Variants in MAP4K5 observed in about 807,000 individuals in gnomAD.
MAP4K5 encodes the protein MAPK/ERK kinase kinase kinase 5.
A neutral mutation model predicts 135.6 loss-of-function variants in MAP4K5; 82 were observed. The observed-to-expected ratio is 0.60, with a 90% CI of 0.51 to 0.73. MAP4K5 has a LOEUF of 0.73. Ranked by LOEUF, MAP4K5 falls within the 30% of genes least tolerant of loss-of-function variation. MAP4K5 has a pLI of 0.00. For synonymous variants in MAP4K5, 347 were observed against 335.0 expected (o/e 1.04, Z -0.39); for missense variants, 907 against 1,010.9 (o/e 0.90, Z 1.39).
At position 50,558,029 on chromosome 14, in the gene MAP4K5, A is replaced by AT. The variant is rs573461338; in HGVS notation, c.-180+3010dup. 9.8e-5 allele frequency among the ~76,000 whole-genome samples: 15 copies of AT among 152,316 alleles called. No individual in the cohort carries two copies. In the East Asian group the frequency reaches 1.9e-3, roughly 20 times the overall value. On this transcript the variant is annotated intron_variant, in intron 1 of 8. Transcript: ENST00000555216. ...AAAAAGAATGGTGATGCATAGCACA[A>AT]TTTTTTTAAAAGCTTCCATTAATTT...
rs775070217 is a variant in MAP4K5, at chr14:50,475,119, G to T, written c.500C>A (p.Ala167Asp). The change falls in exon 9 of 33, where the codon GCT (alanine) becomes GAT (aspartate). Residue 167 changes from alanine (A) to aspartate (D), a missense_variant. Physicochemically the swap from Ala to Asp is moderately radical, Grantham distance 126 (BLOSUM62 -2). Coordinates refer to ENST00000682126, the MANE Select transcript of MAP4K5 (RefSeq NM_006575.6). The part of the protein sequence containing the change: ...ADFGVAAKIT[A>D]TIAKRKSFIG... ...GAAAGATTTTCGTTTTGCAATGGTA[G>T]CTGTTATTTTTGCAGCCACACCAAA... The T allele has an allele frequency of 9.9e-6, 16 of 1,613,748 alleles. No individual in the cohort carries two copies. Among genetic ancestry groups the T allele is most frequent in the African/African-American group, 1.3e-5 (1 of 74,928 alleles).
At chr14:50,481,173 G>A (rs1372341216) in intron 6 of MAP4K5, among the ~76,000 whole-genome samples, 1 of 151,320 alleles carries the variant, frequency 6.6e-6, no homozygotes, top group Admixed American at 6.6e-5. Flanking sequence ...ATAATTCTCT[G>A]CTATGAGTGT....
intron 30 of MAP4K5, 127 bp downstream of exon 30, chr14:50,428,535 C>T (rs1209455641): frequency 2.9e-5 from 16 of 559,244 alleles, no homozygotes; most frequent in African/African-American, 8.0e-5. Flanking sequence ...GGATTACAGG[C>T]GTAGAACATT....
chr14:50,437,703 T>G (rs2036128194), intron 25 of MAP4K5, among the ~76,000 whole-genome samples, 169 bp from the exon 26 acceptor site: 1 of 152,184 alleles, frequency 6.6e-6, no homozygotes, highest in Non-Finnish European at 1.5e-5. Flanking sequence ...ACAGTCTGTA[T>G]TATAAAACTT....
At chr14:50,530,020 G>T (rs898874001) in intron 2 of MAP4K5, among the ~76,000 whole-genome samples, 2 of 152,160 alleles carry the variant, frequency 1.3e-5, no homozygotes, top group African/African-American at 4.8e-5. Flanking sequence ...TTAGAACAAA[G>T]GAAAACAAAA....
At chr14:50,484,971 A>G (rs745806790) in intron 5 of MAP4K5, among the ~76,000 whole-genome samples, 2 of 152,190 alleles carry the variant, frequency 1.3e-5, no homozygotes, top group African/African-American at 4.8e-5. Flanking sequence ...AAGAAAAATT[A>G]TAAGGATCTA....
At chr14:50,477,062 G>T (rs2037117803) in intron 6 of MAP4K5, among the ~76,000 whole-genome samples, 1 of 152,154 alleles carries the variant, frequency 6.6e-6, no homozygotes, top group African/African-American at 2.4e-5. Flanking sequence ...TGAATCTACA[G>T]AACAATTTGT....
At chr14:50,482,594 T>C in intron 5 of MAP4K5, 178 bp from the exon 6 acceptor site, 1 of 455,104 alleles carries the variant, frequency 2.2e-6, no homozygotes, top group South Asian at 2.6e-5. Flanking sequence ...CTGGCCAACA[T>C]GGTGAAACCC....
At chr14:50,469,237 C>G (rs1479556942) in intron 9 of MAP4K5, among the ~76,000 whole-genome samples, 2 of 152,122 alleles carry the variant, frequency 1.3e-5, no homozygotes, top group Non-Finnish European at 2.9e-5. Context: ...CACCTGCAAA[C>G]TGATAAGGGG....
chr14:50,444,070 C>A, intron 18 of MAP4K5, 34 bp from the exon 19 acceptor site: 3 of 1,362,616 alleles, frequency 2.2e-6, no homozygotes, highest in Non-Finnish European at 2.1e-6. Context: ...TGAATGACCA[C>A]ACAAATAAGC....
intron 6 of MAP4K5, among the ~76,000 whole-genome samples, chr14:50,481,204 T>C (rs986318238): frequency 3.3e-5 from 5 of 151,624 alleles, no homozygotes; most frequent in African/African-American, 1.2e-4. Context: ...TTGTATTTTA[T>C]GTAGATACAA....
chr14:50,453,923 G>A (rs568934146), intron 14 of MAP4K5, among the ~76,000 whole-genome samples: 41 of 152,224 alleles, frequency 2.7e-4, no homozygotes, highest in African/African-American at 9.9e-4. Context: ...GCCCCTGGTG[G>A]TCTTAGACTG....
chr14:50,524,528 T>C (rs548015330), intron 2 of MAP4K5, among the ~76,000 whole-genome samples: 1 of 152,004 alleles, frequency 6.6e-6, no homozygotes, highest in African/African-American at 2.4e-5. Flanking sequence ...TGATAAATGA[T>C]GAGTATCATG....
chr14:50,507,745 G>C (rs2037842403), intron 2 of MAP4K5, among the ~76,000 whole-genome samples: 1 of 152,176 alleles, frequency 6.6e-6, no homozygotes, highest in African/African-American at 2.4e-5. Flanking sequence ...TTTTGCATTT[G>C]CTGAGGAGTG....
chr14:50,435,081 C>CA lies in MAP4K5; in HGVS notation c.1883-17dup. ...GGGTTTCTGACTGGAAAGAAATAAA[C>CA]AAACAAAAAACCCAGACACACTCAA... On this transcript the variant is annotated splice_polypyrimidine_tract_variant and intron_variant, in intron 26 of 32. Transcript: ENST00000682126. The CA allele has an allele frequency of 6.9e-7, 1 of 1,456,992 alleles. No individual in the cohort carries two copies. The highest frequency in any genetic ancestry group is 9.5e-7 in the Non-Finnish European group (1 of 1,047,844). The allele number at this position is 1,456,992 out of a possible 1,614,324, so 90.3% of individuals were successfully genotyped here. A position where few individuals can be genotyped will look rare whatever the true frequency, so the allele number is the denominator to read the frequency against.
intron 2 of MAP4K5, among the ~76,000 whole-genome samples, chr14:50,515,804 C>T (rs904720736): frequency 1.3e-5 from 2 of 152,188 alleles, no homozygotes; most frequent in African/African-American, 4.8e-5. Context: ...GGAACTGCAT[C>T]TTTTCTTTAT....
chr14:50,517,147 C>T (rs1343359517), intron 2 of MAP4K5, among the ~76,000 whole-genome samples: 2 of 149,680 alleles, frequency 1.3e-5, no homozygotes, highest in African/African-American at 4.9e-5. Flanking sequence ...TACAAAATTA[C>T]AATACTTTTT....
At chr14:50,484,052 G>A (rs1471098727) in intron 5 of MAP4K5, among the ~76,000 whole-genome samples, 1 of 151,886 alleles carries the variant, frequency 6.6e-6, no homozygotes. Context: ...GTAGAGATGG[G>A]GTTTTACCAT....
At chr14:50,536,760 C>T (rs1396917673), upstream of MAP4K5, among the ~76,000 whole-genome samples, 1 of 152,096 alleles carries the variant, frequency 6.6e-6, no homozygotes, top group Non-Finnish European at 1.5e-5. Flanking sequence ...TTGCCCCTGC[C>T]CTAGAGGTTT....
Sources: allele counts gnomAD v4.1 joint callset (sites outside exome capture counted in the v4.1 genomes callset), GRCh38; gene constraint gnomAD v4.1.1; transcripts MANE v1.5; gene names NCBI Gene and HGNC (gene_info 2026-07-23, HGNC 2026-07-21).